The following ACSL6 variants were observed in gnomAD, a reference collection of about 807,000 sequenced individuals.
The protein encoded by ACSL6 is acyl-CoA synthetase long chain family member 6, also known as long-chain-fatty-acid--CoA ligase 6.
ACSL6 carries 47 observed loss-of-function variants against 98.2 expected under a neutral mutation model. The ratio of observed to expected loss-of-function variants is 0.48; its 90% CI spans 0.38 to 0.61. The LOEUF (loss-of-function observed/expected upper bound fraction) is 0.61, where lower values mean the gene tolerates loss of function less well. Among genes scored for constraint, ACSL6 ranks in the 20% least tolerant of loss-of-function variants. ACSL6 has a pLI of 0.00. For missense variants in ACSL6, 761 were observed against 913.4 expected (o/e 0.83, Z 2.15); for synonymous variants, 362 against 336.9 (o/e 1.07, Z -0.82).
intron 15 of ACSL6, among the ~76,000 whole-genome samples, chr5:131,969,596 T>G (rs1196187331): frequency 6.6e-6 from 1 of 152,216 alleles, no homozygotes; most frequent in African/African-American, 2.4e-5. Flanking sequence ...TTTTTATAGA[T>G]TCTAGATACT....
intron 1 of ACSL6, among the ~76,000 whole-genome samples, chr5:132,000,070 T>C (rs1279766165): frequency 6.6e-6 from 1 of 151,998 alleles, no homozygotes; most frequent in African/African-American, 2.4e-5. Flanking sequence ...TCTCTGGCAC[T>C]GAGGGCGACT....
At chr5:132,007,632 A>G (rs185409761) in intron 1 of ACSL6, among the ~76,000 whole-genome samples, 4 of 152,146 alleles carry the variant, frequency 2.6e-5, no homozygotes, top group Non-Finnish European at 4.4e-5. Context: ...GGGAGGATGG[A>G]AGGAAAGTTT....
chr5:131,956,987 T>C (rs1752442808), intron 20 of ACSL6, among the ~76,000 whole-genome samples: 1 of 152,184 alleles, frequency 6.6e-6, no homozygotes, highest in Non-Finnish European at 1.5e-5. Flanking sequence ...TCAGAAATAC[T>C]GTAACATTTA....
intron 10 of ACSL6, chr5:131,975,775 C>T: frequency 1.0e-6 from 1 of 985,470 alleles, no homozygotes. Flanking sequence ...GCTGTGCCTC[C>T]ACGTGCTCTC....
intron 16 of ACSL6, among the ~76,000 whole-genome samples, chr5:131,967,291 C>A (rs894968029): frequency 1.3e-5 from 2 of 152,068 alleles, no homozygotes; most frequent in African/African-American, 4.8e-5. Flanking sequence ...AGGCTATGGT[C>A]TCGAGTTCAG....
At chr5:131,971,918 C>G (rs1368785632) in intron 13 of ACSL6, among the ~76,000 whole-genome samples, 1 of 152,168 alleles carries the variant, frequency 6.6e-6, no homozygotes, top group Non-Finnish European at 1.5e-5. Flanking sequence ...GGGTGGCATT[C>G]TATAATATTG....
intron 1 of ACSL6, among the ~76,000 whole-genome samples, chr5:132,009,633 C>T (rs1374069309): frequency 1.3e-5 from 2 of 152,166 alleles, no homozygotes; most frequent in Non-Finnish European, 1.5e-5. Flanking sequence ...ACTACCTGCC[C>T]CAAGAATCGC....
intron 13 of ACSL6, among the ~76,000 whole-genome samples, chr5:131,972,151 A>T (rs1043572922): frequency 6.6e-6 from 1 of 152,240 alleles, no homozygotes; most frequent in Non-Finnish European, 1.5e-5. Context: ...TATTTTAAAT[A>T]TTAATTTTCA....
At chr5:131,983,807 A>C (rs1379075988) in intron 9 of ACSL6, 1 of 152,322 alleles carries the variant, frequency 6.6e-6, no homozygotes, top group Admixed American at 6.5e-5. Flanking sequence ...GAGCTTGAGC[A>C]GGATGGCTCA....
chr5:131,997,594 C>A (rs1450103260), intron 1 of ACSL6, among the ~76,000 whole-genome samples: 1 of 152,228 alleles, frequency 6.6e-6, no homozygotes, highest in East Asian at 1.9e-4. Context: ...TATCTTTCGC[C>A]ATGGACATGG....
chr5:131,959,800 A>G, intron 19 of ACSL6, 193 bp from the exon 20 acceptor site: 1 of 616,386 alleles, frequency 1.6e-6, no homozygotes, highest in South Asian at 2.0e-5. Flanking sequence ...AAGTACCTGA[A>G]ATGGCCAAAG....
In ACSL6 at chr5:131,971,744, T is replaced by C. The variant is rs534608835; in HGVS notation, c.1339-99A>G. ...AGGTCAACATCCAACAACTGGGTCC[T>C]ACCTGGATGCTAGGGCTGGGATCAG... On this transcript the variant is annotated intron_variant, in intron 13 of 20. Transcript: ENST00000651883. The C allele has an allele frequency of 4.6e-5, 45 of 972,450 alleles. No individual in the cohort carries two copies. The African/African-American group carries it at 6.3e-4, about 14-fold the overall frequency. 60.2% of individuals were successfully genotyped at this position (972,450 alleles called of 1,614,324 possible).
intron 9 of ACSL6, chr5:131,983,851 T>C (rs1754027365): frequency 6.6e-6 from 1 of 152,310 alleles, no homozygotes; most frequent in Non-Finnish European, 1.5e-5. Flanking sequence ...CTGGACATGA[T>C]GTCTGCCCTC....
Position 131,990,172 on chromosome 5 carries a change from G to A in ACSL6, c.386-8C>T, listed in dbSNP as rs1293742183. 9.9e-6 allele frequency: 16 copies of A among 1,613,906 alleles called. No homozygotes were observed. In the South Asian group the frequency reaches 1.2e-4, roughly 12 times the overall value. Reference sequence around the variant, plus strand: ...CAAGACAGGGCCCATTCCCTGTAGAGAGATAAGAAAGCCTTGTGTCAGAGA... The same window carrying A: ...CAAGACAGGGCCCATTCCCTGTAGAAAGATAAGAAAGCCTTGTGTCAGAGA... On this transcript the variant is annotated splice_region_variant and splice_polypyrimidine_tract_variant and intron_variant, in intron 3 of 20. Transcript: ENST00000651883.
Position 131,972,742 on chromosome 5 carries a change from G to T in ACSL6, c.1320C>A (p.Leu440=). ...TTCTTACCTGAATCTTATTAAAGAA[G>T]AGTTCATCCCAGATACTATCATTCC... ...IIRNDSIWDE[L]FFNKIQASLG... is the part of the protein sequence containing the mutation. The change falls in exon 13 of 21, where the codon CTC becomes CTA. Residue 440 remains leucine, a synonymous_variant. Transcript: ENST00000651883. The T allele has an allele frequency of 6.2e-7, 1 of 1,614,138 alleles. No homozygotes were observed. Among genetic ancestry groups the T allele is most frequent in the South Asian group, 1.1e-5 (1 of 91,066 alleles).
Position 131,971,611 on chromosome 5 carries a change from G to A in ACSL6, c.1373C>T (p.Thr458Ile). 6.2e-7 allele frequency: 1 copy of A among 1,612,510 alleles called. No homozygotes were observed. Among genetic ancestry groups the A allele is most frequent in the Non-Finnish European group, 8.5e-7 (1 of 1,179,174 alleles). ...TGTTGGTGATGCTGGGGCTGCTCCAGTAACAATCATCCGCACACACCCACC... is the reference window on the plus strand; with the variant it reads ...TGTTGGTGATGCTGGGGCTGCTCCAATAACAATCATCCGCACACACCCACC... Reference protein sequence around the residue: ...SLGGCVRMIVTGAAPASPTVL... With the variant: ...SLGGCVRMIVIGAAPASPTVL... Residue 458 changes from threonine to isoleucine, a missense_variant, in exon 14 of 21, where the codon ACT (threonine) becomes ATT (isoleucine). By Grantham distance (89) the Thr-to-Ile change is moderately conservative. Coordinates refer to ENST00000651883, the MANE Select transcript of ACSL6 (RefSeq NM_001009185.3).
rs542835909 is a variant in ACSL6 at position 131,951,053 on chromosome 5, C to G, written c.*3181G>C. 1 of 197,180 alleles carries G rather than the reference C, an allele frequency of 5.1e-6. No homozygotes were observed. Among genetic ancestry groups the G allele is most frequent in the African/African-American group, 2.3e-5 (1 of 43,392 alleles). 12.2% of individuals were successfully genotyped at this position (197,180 alleles called of 1,614,324 possible). On this transcript the variant is annotated 3_prime_UTR_variant, in exon 21 of 21. Coordinates refer to ENST00000651883, the MANE Select transcript of ACSL6 (RefSeq NM_001009185.3). ...AAGTCTCAATATTATATAAAGACAT[C>G]TTCCACAGCAAAAGGAAAAACAGAT...
At chr5:131,989,935 C>G (rs934316059) in intron 4 of ACSL6, among the ~76,000 whole-genome samples, 165 bp downstream of exon 4, 1 of 152,206 alleles carries the variant, frequency 6.6e-6, no homozygotes, top group Non-Finnish European at 1.5e-5. Flanking sequence ...ACTTCCAACC[C>G]GGGTATGCTG....
In ACSL6 at chr5:131,961,794, T is replaced by A. The variant is rs1045306976; in HGVS notation, c.1857+741A>T. ...TATAAAACTCCTCCAAATAACTGAA[T>A]CCTAGTAACCTATATTAGTATTAGT... On this transcript the variant is annotated intron_variant, in intron 18 of 20. Coordinates refer to ENST00000651883, the MANE Select transcript of ACSL6 (RefSeq NM_001009185.3). Among the ~76,000 whole-genome samples the A allele has an allele frequency of 3.3e-5, 5 of 152,278 alleles. No individual in the cohort carries two copies. The East Asian group carries it at 9.6e-4, about 29-fold the overall frequency.
Sources: gnomAD v4.1 joint callset for allele counts (sites outside exome capture counted in the v4.1 genomes callset) on GRCh38, gnomAD v4.1.1 for gene constraint, MANE v1.5 for transcripts, NCBI Gene and HGNC (gene_info 2026-07-23, HGNC 2026-07-21) for gene names.